Variants in SPRY3 observed in about 807,000 individuals in gnomAD.
SPRY3 encodes the protein sprouty RTK signaling antagonist 3, also known as protein sprouty homolog 3.
SPRY3 carries 15 observed loss-of-function variants against 20.2 expected under a neutral mutation model. The ratio of observed to expected loss-of-function variants is 0.74; its 90% confidence interval spans 0.50 to 1.14. SPRY3 has a LOEUF of 1.14. Ranked by LOEUF, SPRY3 falls within the 50% of genes most tolerant of loss-of-function variation. SPRY3 has a pLI of 0.00. For missense variants in SPRY3, 364 were observed against 363.9 expected (o/e 1.00, Z 0.00); for synonymous variants, 143 against 136.5 (o/e 1.05, Z -0.33).
At chrX:155,774,867 T>G in exon 4 of SPRY3, 14 of 1,040,788 alleles carry the variant, frequency 1.3e-5, no homozygotes, top group South Asian at 1.6e-5. Context: ...GTTCCTGCAG[T>G]GTCAGGGGAA....
At chrX:155,665,964 G>A (rs1603127466) in intron 2 of SPRY3, among the ~76,000 whole-genome samples, 1 of 112,026 alleles carries the variant, frequency 8.9e-6, no homozygotes, top group East Asian at 2.8e-4. Flanking sequence ...TATTACAGAT[G>A]TGCAAATTGA....
intron 2 of SPRY3, among the ~76,000 whole-genome samples, chrX:155,708,833 T>C (rs967543405): frequency 6.6e-6 from 1 of 151,400 alleles, no homozygotes; most frequent in Non-Finnish European, 1.5e-5. Context: ...TATCAAATAC[T>C]AGAAGTTACT....
intron 2 of SPRY3, among the ~76,000 whole-genome samples, chrX:155,696,982 C>T (rs1158156716): frequency 1.8e-5 from 2 of 111,584 alleles, no homozygotes; most frequent in African/African-American, 6.5e-5. Context: ...CCACCAGGCA[C>T]TATTCTAAGT....
chrX:155,750,909 G>C (rs911142912), intron 2 of SPRY3, among the ~76,000 whole-genome samples: 1 of 151,848 alleles, frequency 6.6e-6, no homozygotes, highest in Non-Finnish European at 1.5e-5. Context: ...AGGCATGTTT[G>C]GATTTTTTCA....
intron 2 of SPRY3, among the ~76,000 whole-genome samples, chrX:155,658,811 G>T (rs1328049797): frequency 1.8e-5 from 2 of 111,818 alleles, no homozygotes; most frequent in Non-Finnish European, 3.8e-5. Flanking sequence ...GTATGATGTT[G>T]GCTATGGGTT....
chrX:155,751,282 T>G (rs1469065955), intron 2 of SPRY3, among the ~76,000 whole-genome samples: 1 of 151,924 alleles, frequency 6.6e-6, no homozygotes, highest in Non-Finnish European at 1.5e-5. Flanking sequence ...GCCACAGCAC[T>G]GCCCTGATAA....
chrX:155,777,842 A>T (rs760239945), downstream of SPRY3: 2 of 166,344 alleles, frequency 1.2e-5, no homozygotes, highest in South Asian at 4.2e-4. Context: ...CCCTAACTCT[A>T]CTGCCTTCCA....
intron 1 of SPRY3, among the ~76,000 whole-genome samples, chrX:155,619,755 A>G (rs1181965563): frequency 8.9e-6 from 1 of 111,824 alleles, no homozygotes; most frequent in Non-Finnish European, 1.9e-5. Flanking sequence ...AATATAAGCC[A>G]TGGACTAAAT....
intron 2 of SPRY3, among the ~76,000 whole-genome samples, chrX:155,756,190 A>C (rs802637): frequency 0.97 from 147,777 of 152,154 alleles, 71,790 homozygotes; most frequent in East Asian, 1. Flanking sequence ...GAGAGTGGAA[A>C]ATGGTCATAT....
At chrX:155,707,739 C>G (rs2090961423) in intron 2 of SPRY3, among the ~76,000 whole-genome samples, 1 of 151,124 alleles carries the variant, frequency 6.6e-6, no homozygotes, top group African/African-American at 2.4e-5. Flanking sequence ...GCCATTTCAA[C>G]TCCTTATGTT....
At chrX:155,735,010 C>T (rs1843122197) in intron 2 of SPRY3, among the ~76,000 whole-genome samples, 1 of 151,738 alleles carries the variant, frequency 6.6e-6, no homozygotes, top group Non-Finnish European at 1.5e-5. Context: ...CTTCTAAGCA[C>T]TGCTTTTGCT....
At chrX:155,628,388 C>T (rs1042310515) in intron 1 of SPRY3, among the ~76,000 whole-genome samples, 4 of 111,935 alleles carry the variant, frequency 3.6e-5, no homozygotes, top group Non-Finnish European at 5.6e-5. Flanking sequence ...ATCATCAGAG[C>T]GAACAGGCAA....
chrX:155,774,062 G>A (rs200736621), exon 4 of SPRY3: 45 of 1,613,678 alleles, frequency 2.8e-5, no homozygotes, highest in Admixed American at 1.0e-4. Context: ...TCTCTCCCCC[G>A]CAGTCTCAGC....
At chrX:155,725,797 G>T (rs1166940326) in intron 2 of SPRY3, among the ~76,000 whole-genome samples, 1 of 152,004 alleles carries the variant, frequency 6.6e-6, no homozygotes, top group Non-Finnish European at 1.5e-5. Context: ...TTTTTGAAGG[G>T]TTTTTTGTTT....
intron 2 of SPRY3, among the ~76,000 whole-genome samples, chrX:155,718,690 T>C (rs2091037220): frequency 6.6e-6 from 1 of 152,138 alleles, no homozygotes; most frequent in Non-Finnish European, 1.5e-5. Flanking sequence ...GCTATTTATT[T>C]AGAAATTTTA....
intron 2 of SPRY3, among the ~76,000 whole-genome samples, chrX:155,699,369 A>G (rs1445100118): frequency 8.9e-6 from 1 of 112,086 alleles, no homozygotes; most frequent in Admixed American, 9.5e-5. Context: ...AACGTGGTGA[A>G]GCCTGAGAGT....
intron 1 of SPRY3, among the ~76,000 whole-genome samples, chrX:155,635,064 C>T (rs368160185): frequency 3.7e-5 from 4 of 108,889 alleles, no homozygotes; most frequent in East Asian, 5.8e-4. Context: ...CAGGCCCCAG[C>T]GTGTGATGCC....
At chrX:155,688,181 C>A (rs1050856141) in intron 2 of SPRY3, among the ~76,000 whole-genome samples, 5 of 109,394 alleles carry the variant, frequency 4.6e-5, no homozygotes, top group African/African-American at 1.7e-4. Flanking sequence ...TAATGGCTTC[C>A]CACTCCATTC....
chrX:155,645,910 C>T (rs1235476442), intron 1 of SPRY3, among the ~76,000 whole-genome samples: 1 of 111,533 alleles, frequency 9.0e-6, no homozygotes, highest in East Asian at 2.8e-4. Context: ...CTTGTCCCTC[C>T]CCTCTCCAGA....
Sources: allele counts gnomAD v4.1 joint callset (sites outside exome capture counted in the v4.1 genomes callset), GRCh38; gene constraint gnomAD v4.1.1; transcripts MANE v1.5; gene names NCBI Gene and HGNC (gene_info 2026-07-23, HGNC 2026-07-21).